CHCHD3: variants seen among roughly 807,000 people sequenced by gnomAD.
CHCHD3 encodes the protein MICOS complex subunit MIC19.
In CHCHD3, 20 loss-of-function variants were observed where a neutral mutation model predicts 38.2. That is an observed-to-expected ratio of 0.52 (90% CI 0.37 to 0.76). The LOEUF is 0.76. Ranked by LOEUF, CHCHD3 falls within the 30% of genes least tolerant of loss-of-function variation. The pLI is 0.00. For synonymous variants in CHCHD3, 82 were observed against 100.0 expected (o/e 0.82, Z 1.07); for missense variants, 245 against 279.2 (o/e 0.88, Z 0.87).
chr7:132,832,655 CAT>C lies in CHCHD3; in HGVS notation c.524+5742_524+5743del, dbSNP rs1262138660. On this transcript the variant is annotated intron_variant, in intron 6 of 7. Coordinates refer to ENST00000262570, the MANE Select transcript of CHCHD3 (RefSeq NM_017812.4). Reference sequence around the variant, plus strand: ...CCTATATTGCCTTTAAAATATTTAACATGTCTTTGATATTTGCTTTACATTTA... The same window carrying C: ...CCTATATTGCCTTTAAAATATTTAACGTCTTTGATATTTGCTTTACATTTA... Among the ~76,000 whole-genome samples the C allele has an allele frequency of 2.0e-4, 31 of 152,284 alleles. No homozygotes were observed. The East Asian group carries it at 5.4e-3, about 27-fold the overall frequency.
chr7:132,841,275 C>A (rs887470152), intron 5 of CHCHD3, among the ~76,000 whole-genome samples: 6 of 151,838 alleles, frequency 4.0e-5, no homozygotes, highest in Non-Finnish European at 8.8e-5. Context: ...GAGAAAAGAA[C>A]AATTATTATC....
chr7:132,938,963 A>C (rs1451524353), intron 4 of CHCHD3, among the ~76,000 whole-genome samples: 1 of 152,206 alleles, frequency 6.6e-6, no homozygotes, highest in East Asian at 1.9e-4. Flanking sequence ...TCTTACAAGG[A>C]AACAGTACCT....
chr7:132,924,872 A>C (rs1810339246), intron 4 of CHCHD3, among the ~76,000 whole-genome samples: 1 of 152,176 alleles, frequency 6.6e-6, no homozygotes, highest in African/African-American at 2.4e-5. Flanking sequence ...TGAGTGCCAC[A>C]TGCCTGGAGA....
intron 6 of CHCHD3, chr7:132,815,620 T>C: frequency 2.2e-6 from 1 of 455,654 alleles, no homozygotes; most frequent in Non-Finnish European, 4.4e-6. Flanking sequence ...ATATTTCATT[T>C]CACCAAACCT....
At chr7:132,914,738 C>T (rs932096730) in intron 4 of CHCHD3, among the ~76,000 whole-genome samples, 8 of 152,102 alleles carry the variant, frequency 5.3e-5, no homozygotes, top group South Asian at 2.1e-4. Context: ...GATGTGTGTG[C>T]GCATGTGGCT....
At chr7:132,967,367 T>C (rs946795344) in intron 4 of CHCHD3, among the ~76,000 whole-genome samples, 1 of 152,096 alleles carries the variant, frequency 6.6e-6, no homozygotes, top group Admixed American at 6.6e-5. Context: ...GTTGACTGGA[T>C]AGGCCCCCAG....
chr7:132,876,334 A>G (rs1289552046), intron 5 of CHCHD3, among the ~76,000 whole-genome samples: 1 of 152,204 alleles, frequency 6.6e-6, no homozygotes. Flanking sequence ...GAGCTCAAAG[A>G]AAGTAAAGTG....
intron 6 of CHCHD3, among the ~76,000 whole-genome samples, chr7:132,808,385 A>G (rs1432491762): frequency 6.6e-6 from 1 of 152,178 alleles, no homozygotes; most frequent in Non-Finnish European, 1.5e-5. Context: ...CCTCTTCTAC[A>G]GTTCCTTGTG....
At chr7:132,959,642 G>A (rs1811262246) in intron 4 of CHCHD3, among the ~76,000 whole-genome samples, 1 of 148,058 alleles carries the variant, frequency 6.8e-6, no homozygotes, top group Non-Finnish European at 1.5e-5. Flanking sequence ...AGAATCACTT[G>A]AACCCTGGAG....
intron 2 of CHCHD3, among the ~76,000 whole-genome samples, chr7:133,030,877 TAAACCA>T (rs1813481463): frequency 6.6e-6 from 1 of 152,218 alleles, no homozygotes; most frequent in South Asian, 2.1e-4. Flanking sequence ...AGTGTGGCTC[TAAACCA>T]TTTACTTGAA....
At chr7:133,043,471 G>A (rs1489889379) in intron 2 of CHCHD3, among the ~76,000 whole-genome samples, 12 of 152,054 alleles carry the variant, frequency 7.9e-5, no homozygotes, top group African/African-American at 2.2e-4. Flanking sequence ...GCGAAACTCC[G>A]TGTCTACTAA....
intron 4 of CHCHD3, among the ~76,000 whole-genome samples, chr7:132,899,963 T>C (rs1047508377): frequency 6.6e-6 from 1 of 152,238 alleles, no homozygotes; most frequent in Non-Finnish European, 1.5e-5. Context: ...GCTAGGATGC[T>C]AGGGGCACAC....
intron 6 of CHCHD3, among the ~76,000 whole-genome samples, chr7:132,826,761 T>C (rs1336279176): frequency 1.3e-5 from 2 of 152,236 alleles, no homozygotes; most frequent in Non-Finnish European, 2.9e-5. Flanking sequence ...TTACTGCATA[T>C]GATTATTATA....
At chr7:132,901,821 T>A (rs979784600) in intron 4 of CHCHD3, among the ~76,000 whole-genome samples, 1 of 152,342 alleles carries the variant, frequency 6.6e-6, no homozygotes, top group Non-Finnish European at 1.5e-5. Flanking sequence ...TTAGTTTAAT[T>A]AGATCCGATT....
chr7:132,799,863 C>T (rs1451683879), intron 6 of CHCHD3, among the ~76,000 whole-genome samples: 1 of 152,044 alleles, frequency 6.6e-6, no homozygotes, highest in Admixed American at 6.6e-5. Flanking sequence ...CCCTTTCTCT[C>T]CCCTCATCTC....
At chr7:132,925,839 A>G (rs1385240935) in intron 4 of CHCHD3, among the ~76,000 whole-genome samples, 1 of 152,238 alleles carries the variant, frequency 6.6e-6, no homozygotes, top group Non-Finnish European at 1.5e-5. Flanking sequence ...ATGAGCCTCA[A>G]AAACGAGTTG....
chr7:132,955,363 T>C (rs1469438277), intron 4 of CHCHD3, among the ~76,000 whole-genome samples: 1 of 152,178 alleles, frequency 6.6e-6, no homozygotes, highest in East Asian at 1.9e-4. Flanking sequence ...ATTGCCTAGC[T>C]TTCTACATCA....
At position 132,786,977 on chromosome 7, in the gene CHCHD3, C is replaced by A. The variant is rs925890007; in HGVS notation, c.661-1317G>T. Among the ~76,000 whole-genome samples, 78 of 152,306 alleles carry A rather than the reference C, an allele frequency of 5.1e-4. 2 individuals carry two copies. The highest frequency in any genetic ancestry group is 1.6e-3 in the African/African-American group (67 of 41,556). Reference sequence around the variant, plus strand: ...TGGTTCTGCCTGGTGCAGAGGGCAACCCTGTAGCTGGAGCGAGCAGGGAAG... The same window carrying A: ...TGGTTCTGCCTGGTGCAGAGGGCAAACCTGTAGCTGGAGCGAGCAGGGAAG... On this transcript the variant is annotated intron_variant, in intron 7 of 7. Transcript: ENST00000262570.
intron 5 of CHCHD3, among the ~76,000 whole-genome samples, chr7:132,846,952 G>A (rs1808089810): frequency 6.6e-6 from 1 of 152,204 alleles, no homozygotes; most frequent in Non-Finnish European, 1.5e-5. Context: ...GCTTAAACAA[G>A]TAAGGGGTTT....
Sources: gnomAD v4.1 joint callset for allele counts (sites outside exome capture counted in the v4.1 genomes callset) on GRCh38, gnomAD v4.1.1 for gene constraint, MANE v1.5 for transcripts, NCBI Gene and HGNC (gene_info 2026-07-23, HGNC 2026-07-21) for gene names.